ATM: variants seen among roughly 807,000 people sequenced by gnomAD.
The protein encoded by ATM is serine-protein kinase ATM.
Under a neutral mutation model 387.0 loss-of-function variants are expected in ATM, and 308 were observed. The observed-to-expected ratio is 0.80, with a 90% CI of 0.73 to 0.87. The LOEUF (loss-of-function observed/expected upper bound fraction) is 0.87. Among genes scored for constraint, ATM ranks in the 40% least tolerant of loss-of-function variants. The pLI, the probability that ATM is intolerant of heterozygous loss-of-function variation, is 0.00. For missense variants in ATM, 3,312 were observed against 3,560.9 expected (o/e 0.93, Z 1.78); for synonymous variants, 1,156 against 1,187.3 (o/e 0.97, Z 0.54).
intron 38 of ATM, chr11:108,308,193 T>G: frequency 1.7e-6 from 1 of 577,510 alleles, no homozygotes; most frequent in Non-Finnish European, 3.1e-6. Flanking sequence ...TAGTACCAGC[T>G]GTACCAGTAA....
chr11:108,233,149 A>G (rs1308854889), intron 4 of ATM, among the ~76,000 whole-genome samples: 1 of 152,192 alleles, frequency 6.6e-6, no homozygotes, highest in Non-Finnish European at 1.5e-5. Context: ...GGCGTGAGCC[A>G]CTGTGCCCAC....
chr11:108,302,735 AT>A, intron 35 of ATM, 117 bp from the exon 36 acceptor site: 1 of 972,796 alleles, frequency 1.0e-6, no homozygotes, highest in South Asian at 1.6e-5. Flanking sequence ...TTGCCTCCAG[AT>A]TTAGTTTTAA....
intron 35 of ATM, 69 bp downstream of exon 35, chr11:108,301,858 T>G: frequency 6.5e-7 from 1 of 1,541,428 alleles, no homozygotes; most frequent in Non-Finnish European, 8.9e-7. Context: ...CTGTGGGTCA[T>G]GACTGTTAAA....
rs1337392659 is a variant in ATM, at chr11:108,289,602, G to T, written c.4237G>T (p.Asp1413Tyr). ...SILEILSKSP[D>Y]SYQKILLAIC... ...TTTACTAAATCTGTTTATTTTCTAG[G>T]ATTCCTATCAGAAAATTCTTCTTGC... Residue 1413 changes from aspartate (D) to tyrosine (Y), a missense_variant and splice_region_variant, in exon 29 of 63, where the codon GAT becomes TAT. Around this residue, in one of 4 missense-constraint regions of ATM, gnomAD observed 1,791 missense variants for 1,804.5 expected, o/e 0.99. Transcript: ENST00000675843. 1.2e-6 allele frequency: 2 copies of T among 1,601,360 alleles called. No individual in the cohort carries two copies. Among genetic ancestry groups the T allele is most frequent in the South Asian group, 1.1e-5 (1 of 89,176 alleles).
At position 108,229,312 on chromosome 11, in the gene ATM, G is replaced by T. The variant is rs142358238; in HGVS notation, c.320G>T (p.Cys107Phe). The T allele has an allele frequency of 2.5e-6, 4 of 1,612,394 alleles. No homozygotes were observed. Among genetic ancestry groups the T allele is most frequent in the Non-Finnish European group, 3.4e-6 (4 of 1,179,374 alleles). ...ISSLVKYFIK[C>F]ANRRAPRLKC... Reference sequence around the variant, plus strand: ...AGTTTGGTCAAATACTTCATCAAATGTGCAAACAGAAGTAAGTGATGTTAT... The same window carrying T: ...AGTTTGGTCAAATACTTCATCAAATTTGCAAACAGAAGTAAGTGATGTTAT... The change falls in exon 4 of 63, where the codon TGT (cysteine) becomes TTT (phenylalanine). Residue 107 changes from cysteine (C) to phenylalanine (F), a missense_variant. Physicochemically the swap from Cys to Phe is radical, Grantham distance 205. Around this residue, in one of 4 missense-constraint regions of ATM, gnomAD observed 1,791 missense variants for 1,804.5 expected, o/e 0.99. Coordinates refer to ENST00000675843, the MANE Select transcript of ATM (RefSeq NM_000051.4).
At chr11:108,230,811 C>T (rs2078973210) in intron 4 of ATM, 1 of 152,350 alleles carries the variant, frequency 6.6e-6, no homozygotes, top group Admixed American at 6.5e-5. Context: ...AGGTGATCCT[C>T]CTGCCTCAGC....
chr11:108,266,497 A>C (rs1382602979), intron 16 of ATM, among the ~76,000 whole-genome samples: 2 of 83,062 alleles, frequency 2.4e-5, no homozygotes, highest in Admixed American at 1.7e-4. Flanking sequence ...GGGTGGGGGG[A>C]GGGGGGAGGG....
At position 108,253,803 on chromosome 11, in the gene ATM, C is replaced by T. The variant is rs730881282; in HGVS notation, c.1899-11C>T. On this transcript the variant is annotated splice_polypyrimidine_tract_variant and intron_variant, in intron 12 of 62. Transcript: ENST00000675843. Reference sequence around the variant, plus strand: ...CTTGGTTTATATATTAAAGATCTTACTTTCTTGAAGTGAACACCACCAAAA... The same window carrying T: ...CTTGGTTTATATATTAAAGATCTTATTTTCTTGAAGTGAACACCACCAAAA... 5 of 1,605,560 alleles carry T rather than the reference C, an allele frequency of 3.1e-6. No homozygotes were observed. Among genetic ancestry groups the T allele is most frequent in the Non-Finnish European group, 4.3e-6 (5 of 1,173,586 alleles).
chr11:108,319,967 G>C lies in ATM; in HGVS notation c.6361G>C (p.Gly2121Arg). The change falls in exon 44 of 63, where the codon GGA becomes CGA. Residue 2121 changes from glycine to arginine, a missense_variant. Transcript: ENST00000675843. The stretch of plus-strand genomic sequence containing the variant: ...CTTATCTCACAGCAAAGAAGTAGAA[G>C]GAACCAGTTACCATGAATCATTGTA... ...HCTSVSKEVE[G>R]TSYHESLYNA... is the part of the protein sequence containing the mutation. 1 of 1,610,558 alleles carries C rather than the reference G, an allele frequency of 6.2e-7. No homozygotes were observed. The highest frequency in any genetic ancestry group is 8.5e-7 in the Non-Finnish European group (1 of 1,176,976).
At chr11:108,353,674 TG>T in intron 59 of ATM, 91 bp from the exon 60 acceptor site, 1 of 1,006,250 alleles carries the variant, frequency 9.9e-7, no homozygotes, top group South Asian at 1.3e-5. Flanking sequence ...AGGTAACATG[TG>T]GTTTCTTGCC....
intron 1 of ATM, chr11:108,227,339 ACT>A (rs2078790161): frequency 2.7e-6 from 1 of 374,480 alleles, no homozygotes; most frequent in African/African-American, 2.1e-5. Flanking sequence ...TAATCCTGCT[ACT>A]ACTGCAAGCA....
Position 108,279,520 on chromosome 11 carries a change from C to T in ATM, c.3314C>T (p.Ser1105Phe), listed in dbSNP as rs141999815. 2 of 1,612,770 alleles carry T rather than the reference C, an allele frequency of 1.2e-6. No homozygotes were observed. Among genetic ancestry groups the T allele is most frequent in the African/African-American group, 1.3e-5 (1 of 74,878 alleles). The change falls in exon 23 of 63, where the codon TCC (serine) becomes TTC (phenylalanine). Residue 1105 changes from serine (S) to phenylalanine (F), a missense_variant. This residue lies in a region of ATM where 1,791 missense variants were observed against 1,804.5 expected (regional missense o/e 0.99). Coordinates refer to ENST00000675843, the MANE Select transcript of ATM (RefSeq NM_000051.4). ...TTCCAGGACACGAAGGGAGATTCTT[C>T]CAGGTTACTGAAAGCACTTCCTTTG... ...RLFQDTKGDS[S>F]RLLKALPLKL...
chr11:108,334,036 T>C, intron 54 of ATM, 68 bp downstream of exon 54: 4 of 1,271,570 alleles, frequency 3.1e-6, no homozygotes, highest in Non-Finnish European at 3.4e-6. Flanking sequence ...CCATTTGAAA[T>C]AGTATTTTTA....
rs730881323 is a variant in ATM, at chr11:108,343,348, T to G, written c.8395T>G (p.Phe2799Val). ...KRYRPNDFSA[F>V]QCQKKMMEVQ... is the part of the protein sequence containing the mutation. Reference sequence around the variant, plus strand: ...ATACAGGCCAAATGATTTCAGTGCCTTTCAGTGCCAAAAGAAAATGATGGT... The same window carrying G: ...ATACAGGCCAAATGATTTCAGTGCCGTTCAGTGCCAAAAGAAAATGATGGT... Residue 2799 changes from phenylalanine to valine, a missense_variant, in exon 57 of 63, where the codon TTT becomes GTT. Coordinates refer to ENST00000675843, the MANE Select transcript of ATM (RefSeq NM_000051.4). The G allele has an allele frequency of 6.2e-7, 1 of 1,613,828 alleles. No individual in the cohort carries two copies. Among genetic ancestry groups the G allele is most frequent in the African/African-American group, 1.3e-5 (1 of 74,904 alleles).
rs748192003 is a variant in ATM at position 108,353,766 on chromosome 11, G to T, written c.8672G>T (p.Gly2891Val). 1 of 1,599,628 alleles carries T rather than the reference G, an allele frequency of 6.3e-7. No homozygotes were observed. Among genetic ancestry groups the T allele is most frequent in the Non-Finnish European group, 8.6e-7 (1 of 1,166,920 alleles). Reference protein sequence around the residue: ...QSAELVHIDLGVAFEQGKILP... With the variant: ...QSAELVHIDLVVAFEQGKILP... The stretch of plus-strand genomic sequence containing the variant: ...AACTTCACTGTATTCTTTACTTTAG[G>T]TGTTGCTTTTGAACAGGGCAAAATC... Residue 2891 changes from glycine to valine, a missense_variant and splice_region_variant, in exon 60 of 63, where the codon GGT (glycine) becomes GTT (valine). Gly to Val is a moderately radical substitution (Grantham distance 109). This residue lies in a region of ATM where 1,405 missense variants were observed against 1,604.4 expected (regional missense o/e 0.88). Coordinates refer to ENST00000675843, the MANE Select transcript of ATM (RefSeq NM_000051.4).
At chr11:108,247,835 C>T (rs899793237) in intron 8 of ATM, among the ~76,000 whole-genome samples, 3 of 152,014 alleles carry the variant, frequency 2.0e-5, no homozygotes, top group Admixed American at 6.6e-5. Flanking sequence ...ACCTTGTGAT[C>T]CTCCTGCATC....
chr11:108,334,044 T>G (rs1591185884), intron 54 of ATM, 76 bp downstream of exon 54: 1 of 1,182,854 alleles, frequency 8.5e-7, no homozygotes, highest in East Asian at 2.4e-5. Context: ...AATAGTATTT[T>G]TATGTAGGTC....
chr11:108,301,852 G>T, intron 35 of ATM, 63 bp downstream of exon 35: 1 of 1,559,404 alleles, frequency 6.4e-7, no homozygotes, highest in East Asian at 2.3e-5. Context: ...TGTTTGCTGT[G>T]GGTCATGACT....
chr11:108,368,346 T>G lies in ATM; in HGVS notation c.*2838T>G, dbSNP rs1384303852. On this transcript the variant is annotated 3_prime_UTR_variant, in exon 63 of 63. Coordinates refer to ENST00000675843, the MANE Select transcript of ATM (RefSeq NM_000051.4). Reference sequence around the variant, plus strand: ...GAACTCTTTCTGCAAATGACTAAGATAGAAAACTGCCAAGGACAAATGAGG... The same window carrying G: ...GAACTCTTTCTGCAAATGACTAAGAGAGAAAACTGCCAAGGACAAATGAGG... The G allele has an allele frequency of 4.8e-6, 1 of 210,290 alleles. No homozygotes were observed. The allele number at this position is 210,290 out of a possible 1,614,324, so 13.0% of individuals were successfully genotyped here.
Sources: gnomAD v4.1 joint callset for allele counts (sites outside exome capture counted in the v4.1 genomes callset) on GRCh38, gnomAD v4.1.1 for gene constraint, gnomAD v4.1.1 regional missense constraint, MANE v1.5 for transcripts, NCBI Gene and HGNC (gene_info 2026-07-23, HGNC 2026-07-21) for gene names.